The following SPATA22 variants were observed in gnomAD, a reference collection of about 807,000 sequenced individuals.
The protein encoded by SPATA22 is spermatogenesis-associated protein 22.
Under a neutral mutation model 47.8 loss-of-function variants are expected in SPATA22, and 29 were observed. The ratio of observed to expected loss-of-function variants is 0.61; its 90% CI spans 0.45 to 0.83. The LOEUF is 0.83. Among genes scored for constraint, SPATA22 ranks in the 40% least tolerant of loss-of-function variants. The pLI is 0.00. For missense variants in SPATA22, 410 were observed against 421.7 expected (o/e 0.97, Z 0.24); for synonymous variants, 133 against 140.9 (o/e 0.94, Z 0.40).
At chr17:3,502,928 G>A (rs2150767646) in intron 1 of SPATA22, 1 of 152,324 alleles carries the variant, frequency 6.6e-6, no homozygotes, top group East Asian at 1.9e-4. Context: ...GACACACATA[G>A]AAATGTGACC....
chr17:3,459,399 AT>A (rs949816913), intron 5 of SPATA22, among the ~76,000 whole-genome samples: 27 of 152,262 alleles, frequency 1.8e-4, no homozygotes, highest in East Asian at 3.9e-4. Flanking sequence ...AATATATATA[AT>A]TTTTTTTAAA....
At chr17:3,493,764 C>G (rs528982151) in intron 1 of SPATA22, among the ~76,000 whole-genome samples, 1 of 152,100 alleles carries the variant, frequency 6.6e-6, no homozygotes, top group East Asian at 1.9e-4. Context: ...GGCCGCATAG[C>G]CAGGGGATTA....
At chr17:3,513,849 G>A in exon 1 of SPATA22, 1 of 1,374,122 alleles carries the variant, frequency 7.3e-7, no homozygotes, top group Non-Finnish European at 1.0e-6. Flanking sequence ...AAGCCTCTCT[G>A]CACAGAGTCG....
At chr17:3,489,476 C>T in intron 1 of SPATA22, 1 of 709,162 alleles carries the variant, frequency 1.4e-6, no homozygotes, top group Non-Finnish European at 2.5e-6. Flanking sequence ...AGCTATTCCC[C>T]AATGGCCAGG....
intron 1 of SPATA22, among the ~76,000 whole-genome samples, chr17:3,478,019 A>T (rs1260814237): frequency 1.3e-5 from 2 of 151,042 alleles, no homozygotes; most frequent in Non-Finnish European, 3.0e-5. Flanking sequence ...CGTCTCTACT[A>T]AAAAAAATAC....
intron 1 of SPATA22, chr17:3,503,452 C>T (rs2074012901): frequency 6.6e-6 from 1 of 152,156 alleles, no homozygotes. Flanking sequence ...ATAAGATTTA[C>T]CAAGCTTCCT....
At chr17:3,499,118 T>C in intron 1 of SPATA22, 1 of 1,603,048 alleles carries the variant, frequency 6.2e-7, no homozygotes, top group Non-Finnish European at 8.5e-7. Flanking sequence ...TCTTACACGG[T>C]GTCTTACAAA....
chr17:3,463,950 TG>T (rs1567601726), intron 3 of SPATA22, among the ~76,000 whole-genome samples: 10 of 61,674 alleles, frequency 1.6e-4, no homozygotes, highest in East Asian at 1.7e-3. Context: ...CCTCTCCCTC[TG>T]CCTCTCCCTC....
chr17:3,465,266 G>C (rs1372193689), intron 3 of SPATA22, among the ~76,000 whole-genome samples: 2 of 148,398 alleles, frequency 1.3e-5, no homozygotes, highest in Admixed American at 1.3e-4. Flanking sequence ...CCACCACCCC[G>C]TCTGGGAGGT....
rs183340425 is a variant in SPATA22 at position 3,488,076 on chromosome 17, G to A, written c.-73-18678C>T. On this transcript the variant is annotated intron_variant, in intron 1 of 8. Transcript: ENST00000541913. The surrounding 1 kb of genome is among the most constrained non-coding windows in gnomAD (Gnocchi z 6.1). ...TTGTGTATTGGGAAATAACAGAAGCGGGTGAAAACAAGATGAGTGTAAAAG... is the reference window on the plus strand; with the variant it reads ...TTGTGTATTGGGAAATAACAGAAGCAGGTGAAAACAAGATGAGTGTAAAAG... Among the ~76,000 whole-genome samples the A allele has an allele frequency of 2.6e-5, 4 of 152,220 alleles. No homozygotes were observed. In the East Asian group the frequency reaches 5.8e-4, roughly 22 times the overall value.
chr17:3,483,460 C>T lies in SPATA22; in HGVS notation c.-73-14062G>A, dbSNP rs370678443. 2.1e-4 allele frequency: 332 copies of T among 1,545,190 alleles called. No homozygotes were observed. The Middle Eastern group carries it at 4.2e-3, about 20-fold the overall frequency. ...GTTGAAGCAAAGAGAACAAAACATA[C>T]GGTTTTTACCTAAGAAAGACGTTTT... On this transcript the variant is annotated intron_variant, in intron 1 of 8. Transcript: ENST00000541913.
chr17:3,471,520 A>G (rs2073434579), intron 1 of SPATA22, 162 bp downstream of exon 1: 4 of 855,386 alleles, frequency 4.7e-6, no homozygotes, highest in African/African-American at 2.1e-5. Flanking sequence ...ATCTGCACGC[A>G]CACACACACA....
intron 1 of SPATA22, among the ~76,000 whole-genome samples, chr17:3,492,847 T>TA (rs985725127): frequency 6.6e-6 from 1 of 151,514 alleles, no homozygotes; most frequent in African/African-American, 2.4e-5. Flanking sequence ...AGCAAAACAA[T>TA]AAAAAAAATC....
intron 6 of SPATA22, among the ~76,000 whole-genome samples, chr17:3,448,603 A>C (rs972228481): frequency 5.3e-5 from 8 of 152,226 alleles, no homozygotes; most frequent in Non-Finnish European, 1.2e-4. Context: ...GTTTGAAAGG[A>C]AAAGGAGCAG....
At chr17:3,477,477 G>C (rs1030804246) in intron 1 of SPATA22, among the ~76,000 whole-genome samples, 1 of 151,920 alleles carries the variant, frequency 6.6e-6, no homozygotes, top group Non-Finnish European at 1.5e-5. Context: ...TTTTGAGATG[G>C]AGTTTCGCTC....
rs867725786 is a variant in SPATA22, at chr17:3,485,933, C to G, written c.-73-16535G>C. On this transcript the variant is annotated intron_variant, in intron 1 of 8. Coordinates refer to the SPATA22 transcript ENST00000541913. This position sits in a 1 kb window ranked among gnomAD's most constrained non-coding sequence, Gnocchi z 4.4. ...CCAGTGGTTGCATTCTAGGAGGGAA[C>G]CTTTTTTTTTTTTTTTGAGACGGAG... is the stretch of plus-strand genomic sequence containing the variant. Among the ~76,000 whole-genome samples, 1 of 96,282 alleles carries G rather than the reference C, an allele frequency of 1.0e-5. No homozygotes were observed. Among genetic ancestry groups the G allele is most frequent in the African/African-American group, 3.2e-5 (1 of 30,998 alleles). The allele number at this position is 96,282 out of a possible 152,430, so 63.2% of individuals were successfully genotyped here.
intron 5 of SPATA22, among the ~76,000 whole-genome samples, chr17:3,458,391 C>G (rs1033977284): frequency 1.3e-5 from 2 of 151,976 alleles, no homozygotes; most frequent in Non-Finnish European, 2.9e-5. Context: ...TAACTTGATA[C>G]AGCCATTATG....
In SPATA22 at chr17:3,462,463, G is replaced by T; in HGVS notation, c.329+20C>A. 1 of 1,531,024 alleles carries T rather than the reference G, an allele frequency of 6.5e-7. No homozygotes were observed. The highest frequency in any genetic ancestry group is 1.2e-5 in the South Asian group (1 of 82,268). The allele number at this position is 1,531,024 out of a possible 1,614,324, so 94.8% of individuals were successfully genotyped here. On this transcript the variant is annotated intron_variant, in intron 5 of 8. Transcript: ENST00000572969. ...AAATGAGAAGGAATAGAAGAAGAAA[G>T]AAATTTTAAGTAGACTCACCTCCAA...
chr17:3,455,050 GTGA>G, intron 5 of SPATA22, among the ~76,000 whole-genome samples: 1 of 152,262 alleles, frequency 6.6e-6, no homozygotes, highest in East Asian at 1.9e-4. Context: ...CTGATGGCCA[GTGA>G]TGATGAGCAT....
Sources: allele counts gnomAD v4.1 joint callset (sites outside exome capture counted in the v4.1 genomes callset), GRCh38; gene constraint gnomAD v4.1.1; non-coding constraint Gnocchi (gnomAD v3.1); transcripts MANE v1.5; gene names NCBI Gene and HGNC (gene_info 2026-07-23, HGNC 2026-07-21).